Variants in OR5V1 observed in about 807,000 individuals in gnomAD.
OR5V1 encodes olfactory receptor 5V1.
For missense variants in OR5V1, 365 were observed against 371.5 expected (o/e 0.98, Z 0.14); for synonymous variants, 134 against 143.2 (o/e 0.94, Z 0.46).
At chr6:29,358,651 C>T (rs1778426794) in intron 1 of OR5V1, among the ~76,000 whole-genome samples, 1 of 152,130 alleles carries the variant, frequency 6.6e-6, no homozygotes. Flanking sequence ...TCATTTCTGA[C>T]ATGGGTTAAG....
Position 29,355,680 on chromosome 6 carries a change from A to T in OR5V1, c.516T>A (p.Asn172Lys), listed in dbSNP as rs140543858. ...LTFCLPFCGN[N>K]QINYFFCDIP... is the part of the protein sequence containing the mutation. ...TGTCACAGAAGAAGTAATTAATCTG[A>T]TTGTTGCCACAGAAGGGCAGGCAGA... Residue 172 changes from asparagine to lysine, a missense_variant, in exon 2 of 2, where the codon AAT becomes AAA. Coordinates refer to ENST00000641768, the MANE Select transcript of OR5V1 (RefSeq NM_030876.6). 2 of 1,613,960 alleles carry T rather than the reference A, an allele frequency of 1.2e-6. No homozygotes were observed. The highest frequency in any genetic ancestry group is 2.7e-5 in the African/African-American group (2 of 74,938).
chr6:29,365,461 AAAAC>A (rs1221639766), intron 1 of OR5V1, among the ~76,000 whole-genome samples: 5 of 152,208 alleles, frequency 3.3e-5, no homozygotes, highest in South Asian at 2.1e-4. Flanking sequence ...TTTACAAGAA[AAAAC>A]AAACAACCCC....
chr6:29,362,468 A>G (rs753453535), intron 1 of OR5V1, among the ~76,000 whole-genome samples: 2 of 152,200 alleles, frequency 1.3e-5, no homozygotes, highest in Non-Finnish European at 2.9e-5. Flanking sequence ...CTCCACCCCA[A>G]ATCAACAGAA....
Position 29,356,139 on chromosome 6 carries a change from G to A in OR5V1, c.57C>T (p.Asn19=). 1 of 1,609,386 alleles carries A rather than the reference G, an allele frequency of 6.2e-7. No individual in the cohort carries two copies. The highest frequency in any genetic ancestry group is 2.2e-5 in the East Asian group (1 of 44,862). Reference sequence around the variant, plus strand: ...ATAGTAAAAACTGCAATTCATTTAGGTTGGAGAATCCCAAGATGATGAATT... The same window carrying A: ...ATAGTAAAAACTGCAATTCATTTAGATTGGAGAATCCCAAGATGATGAATT... The part of the protein sequence containing the change: ...ITEFIILGFS[N]LNELQFLLFT... Residue 19 remains asparagine (N), a synonymous_variant, in exon 2 of 2, where the codon AAC becomes AAT. Coordinates refer to ENST00000641768, the MANE Select transcript of OR5V1 (RefSeq NM_030876.6).
intron 1 of OR5V1, among the ~76,000 whole-genome samples, chr6:29,358,300 T>G (rs989049902): frequency 9.9e-5 from 15 of 152,208 alleles, no homozygotes; most frequent in Non-Finnish European, 2.1e-4. Flanking sequence ...TCTACTCATT[T>G]TATTCAACAA....
intron 1 of OR5V1, among the ~76,000 whole-genome samples, chr6:29,358,414 A>G (rs1778416986): frequency 6.6e-6 from 1 of 152,180 alleles, no homozygotes; most frequent in African/African-American, 2.4e-5. Context: ...TTCTTCAAAA[A>G]ACTAAAAATG....
At chr6:29,360,830 C>T (rs930957149) in intron 1 of OR5V1, among the ~76,000 whole-genome samples, 9 of 152,146 alleles carry the variant, frequency 5.9e-5, no homozygotes, top group Non-Finnish European at 8.8e-5. Flanking sequence ...AAAACCAGCA[C>T]AAAAATGCTG....
chr6:29,365,357 C>T (rs1333755975), intron 1 of OR5V1, among the ~76,000 whole-genome samples: 1 of 149,312 alleles, frequency 6.7e-6, no homozygotes, highest in East Asian at 2.0e-4. Flanking sequence ...TATCATCGGA[C>T]TGAACAGGAA....
In OR5V1 at chr6:29,354,704, TGA is replaced by T. The variant is rs1778170279; in HGVS notation, c.*524_*525del. 6.6e-6 allele frequency: 1 copy of T among 152,190 alleles called. No individual in the cohort carries two copies. The highest frequency in any genetic ancestry group is 1.5e-5 in the Non-Finnish European group (1 of 68,054). 9.4% of individuals were successfully genotyped at this position (152,190 alleles called of 1,614,324 possible). ...AATTGGCCTTGGCCCATGCAGCAGG[TGA>T]TAAAATTAAAATTAGCTACCAACAG... is the stretch of plus-strand genomic sequence containing the variant. On this transcript the variant is annotated 3_prime_UTR_variant, in exon 2 of 2. Transcript: ENST00000641768.
At chr6:29,362,955 G>A (rs1778642996) in intron 1 of OR5V1, among the ~76,000 whole-genome samples, 1 of 152,150 alleles carries the variant, frequency 6.6e-6, no homozygotes, top group African/African-American at 2.4e-5. Context: ...GATCAGAGCA[G>A]AACTGAAGGA....
chr6:29,361,132 C>T (rs1778546122), intron 1 of OR5V1, among the ~76,000 whole-genome samples: 1 of 151,942 alleles, frequency 6.6e-6, no homozygotes, highest in African/African-American at 2.4e-5. Flanking sequence ...CTTCATGAAG[C>T]ATACACAAGT....
Position 29,356,272 on chromosome 6 carries a change from C to T in OR5V1, c.-77G>A. 3.4e-6 allele frequency: 5 copies of T among 1,463,064 alleles called. No individual in the cohort carries two copies. Among genetic ancestry groups the T allele is most frequent in the Non-Finnish European group, 4.6e-6 (5 of 1,093,406 alleles). The allele number at this position is 1,463,064 out of a possible 1,614,324, so 90.6% of individuals were successfully genotyped here. On this transcript the variant is annotated 5_prime_UTR_variant, in exon 2 of 2. The change abolishes an upstream ATG in the 5' untranslated region. Coordinates refer to ENST00000641768, the MANE Select transcript of OR5V1 (RefSeq NM_030876.6). ...AAAAATGAATCATATGCTGCAATAG[C>T]ATGACCTGAAAAATAAGGGAAAAAA...
intron 1 of OR5V1, among the ~76,000 whole-genome samples, chr6:29,364,929 G>A (rs1778776416): frequency 6.6e-6 from 1 of 151,374 alleles, no homozygotes; most frequent in Admixed American, 6.6e-5. Flanking sequence ...TAGACCAATG[G>A]AACAGAACAG....
At chr6:29,357,553 TCTGA>T (rs1778374631) in intron 1 of OR5V1, among the ~76,000 whole-genome samples, 1 of 152,198 alleles carries the variant, frequency 6.6e-6, no homozygotes, top group Admixed American at 6.5e-5. Flanking sequence ...GACTTCTATT[TCTGA>T]CTGTTAATGG....
At chr6:29,359,681 T>C (rs34707346) in intron 1 of OR5V1, among the ~76,000 whole-genome samples, 28,558 of 152,114 alleles carry the variant, frequency 0.19, 2,971 homozygotes, top group East Asian at 0.42. Context: ...TGGCATCGCC[T>C]CACTCGGGAA....
chr6:29,362,359 T>C (rs1195281806), intron 1 of OR5V1, among the ~76,000 whole-genome samples: 1 of 152,136 alleles, frequency 6.6e-6, no homozygotes, highest in Non-Finnish European at 1.5e-5. Context: ...CACTCCACTG[T>C]CAATATTAGA....
Position 29,355,603 on chromosome 6 carries a change from G to A in OR5V1, c.593C>T (p.Ala198Val), listed in dbSNP as rs1454727271. Residue 198 changes from alanine to valine, a missense_variant, in exon 2 of 2, where the codon GCA becomes GTA. Ala to Val is a moderately conservative substitution (Grantham distance 64). Coordinates refer to ENST00000641768, the MANE Select transcript of OR5V1 (RefSeq NM_030876.6). ...AATGAAGACCCCAGTGGATAGCAGT[G>A]CCAACTCATTGACAGAAGTGTTTCC... ...SCGNTSVNEL[A>V]LLSTGVFIGW... 8.1e-6 allele frequency: 13 copies of A among 1,614,010 alleles called. No homozygotes were observed. The highest frequency in any genetic ancestry group is 1.1e-5 in the Non-Finnish European group (13 of 1,179,924).
chr6:29,363,799 T>C (rs1298861116), intron 1 of OR5V1, among the ~76,000 whole-genome samples: 1 of 150,628 alleles, frequency 6.6e-6, no homozygotes, highest in Non-Finnish European at 1.5e-5. Flanking sequence ...AACATATATA[T>C]AAAAAAAGAC....
In OR5V1 at chr6:29,355,857, G is replaced by C; in HGVS notation, c.339C>G (p.Leu113=). The change falls in exon 2 of 2, where the codon CTC becomes CTG. Residue 113 remains leucine (L), a synonymous_variant. Transcript: ENST00000641768. ...AFVFFVGSEC[L]LLAAMAYDRY... ...GATCATATGCCATTGCTGCCAGTAG[G>C]AGACACTCTGATCCTACAAAGAAAA... 1 of 1,614,002 alleles carries C rather than the reference G, an allele frequency of 6.2e-7. No individual in the cohort carries two copies. The highest frequency in any genetic ancestry group is 8.5e-7 in the Non-Finnish European group (1 of 1,179,956).
Sources: allele counts gnomAD v4.1 joint callset (sites outside exome capture counted in the v4.1 genomes callset), GRCh38; gene constraint gnomAD v4.1.1; transcripts MANE v1.5; gene names NCBI Gene and HGNC (gene_info 2026-07-23, HGNC 2026-07-21).